NEGR1: variants seen among roughly 807,000 people sequenced by gnomAD.
The protein encoded by NEGR1 is IgLON family member 4.
In NEGR1, 10 loss-of-function variants were observed where a neutral mutation model predicts 40.9. The observed-to-expected ratio is 0.24, with a 90% CI of 0.15 to 0.42. The LOEUF (loss-of-function observed/expected upper bound fraction) is 0.42. NEGR1 is among the 10% of genes least tolerant of loss of function. The pLI is 1.00. For missense variants in NEGR1, 352 were observed against 438.9 expected (o/e 0.80, Z 1.77); for synonymous variants, 185 against 166.8 (o/e 1.11, Z -0.84).
intron 6 of NEGR1, among the ~76,000 whole-genome samples, chr1:71,561,470 A>G (rs1037501606): frequency 6.6e-6 from 1 of 151,718 alleles, no homozygotes; most frequent in Non-Finnish European, 1.5e-5. Context: ...AAAGATAAGT[A>G]GACGATACTT....
At chr1:71,987,823 T>C (rs1646409871) in intron 1 of NEGR1, among the ~76,000 whole-genome samples, 1 of 152,234 alleles carries the variant, frequency 6.6e-6, no homozygotes, top group Non-Finnish European at 1.5e-5. Context: ...ATTTATTTTC[T>C]GAGTCTCTTT....
intron 3 of NEGR1, among the ~76,000 whole-genome samples, chr1:71,710,409 G>A (rs529401256): frequency 1.3e-4 from 20 of 152,244 alleles, no homozygotes; most frequent in African/African-American, 4.8e-4. Context: ...AGTATATCAA[G>A]GAGGTATCTG....
chr1:72,033,298 A>G (rs17092172), intron 1 of NEGR1, among the ~76,000 whole-genome samples: 1 of 152,188 alleles, frequency 6.6e-6, no homozygotes, highest in Non-Finnish European at 1.5e-5. Context: ...GGCTATTTTA[A>G]TATTCAAATC....
intron 3 of NEGR1, among the ~76,000 whole-genome samples, chr1:71,740,224 C>T (rs1310107661): frequency 2.0e-5 from 3 of 152,288 alleles, no homozygotes; most frequent in South Asian, 2.1e-4. Flanking sequence ...TGTTCTACGT[C>T]ACAACCATTC....
intron 1 of NEGR1, among the ~76,000 whole-genome samples, chr1:72,259,494 G>A (rs1024520097): frequency 7.9e-5 from 12 of 151,858 alleles, no homozygotes; most frequent in African/African-American, 2.9e-4. Context: ...TATTTTTTTG[G>A]TTATCAAGCC....
intron 1 of NEGR1, among the ~76,000 whole-genome samples, chr1:72,094,404 C>G (rs544623897): frequency 1.3e-5 from 2 of 152,120 alleles, no homozygotes; most frequent in Non-Finnish European, 2.9e-5. Flanking sequence ...TGAACGAGGT[C>G]AGTAATGAAG....
At chr1:71,720,376 A>G (rs1654465322) in intron 3 of NEGR1, among the ~76,000 whole-genome samples, 1 of 152,188 alleles carries the variant, frequency 6.6e-6, no homozygotes, top group Non-Finnish European at 1.5e-5. Flanking sequence ...TAGTGTACCA[A>G]CGAGCCATAC....
At chr1:71,840,969 G>C (rs1276129614) in intron 2 of NEGR1, among the ~76,000 whole-genome samples, 1 of 152,120 alleles carries the variant, frequency 6.6e-6, no homozygotes, top group Non-Finnish European at 1.5e-5. Context: ...CTACAACACT[G>C]TTCTTTCCTG....
intron 6 of NEGR1, among the ~76,000 whole-genome samples, chr1:71,551,943 C>A (rs997540744): frequency 6.6e-6 from 1 of 151,510 alleles, no homozygotes; most frequent in Non-Finnish European, 1.5e-5. Flanking sequence ...TAAAAATAGT[C>A]TTTTTTCTTC....
At chr1:71,746,193 G>T (rs1039649056) in intron 3 of NEGR1, among the ~76,000 whole-genome samples, 1 of 152,152 alleles carries the variant, frequency 6.6e-6, no homozygotes, top group African/African-American at 2.4e-5. Flanking sequence ...TGTCACACAG[G>T]TGTTGGCCAT....
chr1:71,837,551 C>A (rs1659084186), intron 2 of NEGR1, among the ~76,000 whole-genome samples: 1 of 151,886 alleles, frequency 6.6e-6, no homozygotes, highest in Admixed American at 6.6e-5. Flanking sequence ...ACGTTTGTTG[C>A]CCTCTTGTTA....
intron 1 of NEGR1, among the ~76,000 whole-genome samples, chr1:72,210,383 C>T (rs1027654927): frequency 4.0e-5 from 6 of 151,822 alleles, no homozygotes; most frequent in Admixed American, 3.3e-4. Flanking sequence ...TAAAACACTT[C>T]TGTTGCATTT....
intron 1 of NEGR1, among the ~76,000 whole-genome samples, chr1:72,034,705 G>A (rs920858138): frequency 4.6e-5 from 7 of 152,192 alleles, no homozygotes; most frequent in Non-Finnish European, 8.8e-5. Context: ...TGAACAGTAA[G>A]AAATCAGAGT....
intron 3 of NEGR1, among the ~76,000 whole-genome samples, chr1:71,718,757 A>G (rs994812339): frequency 2.0e-5 from 3 of 152,168 alleles, no homozygotes; most frequent in African/African-American, 7.2e-5. Flanking sequence ...AAAAATTACA[A>G]CATGTAAAAA....
chr1:71,620,420 CA>C (rs1163775625), intron 4 of NEGR1, among the ~76,000 whole-genome samples: 2 of 151,806 alleles, frequency 1.3e-5, no homozygotes, highest in Non-Finnish European at 2.9e-5. Flanking sequence ...ACAGAGAATA[CA>C]AAATATAAGA....
At chr1:71,828,938 T>C (rs1658739843) in intron 2 of NEGR1, among the ~76,000 whole-genome samples, 1 of 151,984 alleles carries the variant, frequency 6.6e-6, no homozygotes, top group African/African-American at 2.4e-5. Flanking sequence ...TGTATGTATT[T>C]CAGGGCAGGT....
chr1:72,013,790 C>T (rs1198260928), intron 1 of NEGR1, among the ~76,000 whole-genome samples: 1 of 150,494 alleles, frequency 6.6e-6, no homozygotes, highest in Non-Finnish European at 1.5e-5. Flanking sequence ...GTTTTTCAAA[C>T]ATTCGCTACC....
At chr1:71,887,992 G>GACAC (rs57794150) in intron 2 of NEGR1, among the ~76,000 whole-genome samples, 1,593 of 138,256 alleles carry the variant, frequency 0.012, 7 homozygotes, top group East Asian at 0.02. Flanking sequence ...CTTTTGAAAG[G>GACAC]ACACACACAC....
chr1:71,847,445 T>A (rs1050919425), intron 2 of NEGR1, among the ~76,000 whole-genome samples: 1 of 152,206 alleles, frequency 6.6e-6, no homozygotes, highest in African/African-American at 2.4e-5. Context: ...CATGTCTCTG[T>A]GTCCCATTTT....
Sources: allele counts gnomAD v4.1 joint callset (sites outside exome capture counted in the v4.1 genomes callset), GRCh38; gene constraint gnomAD v4.1.1; transcripts MANE v1.5; gene names NCBI Gene and HGNC (gene_info 2026-07-23, HGNC 2026-07-21).